Variants in BACH1 observed in about 807,000 individuals in gnomAD.
The protein encoded by BACH1 is BTB domain and CNC homolog 1, also known as transcription regulator protein BACH1.
BACH1 carries 35 observed loss-of-function variants against 52.9 expected under a neutral mutation model. The observed-to-expected ratio is 0.66, with a 90% CI of 0.51 to 0.88. BACH1 has a LOEUF of 0.88. Ranked by LOEUF, BACH1 falls within the 40% of genes least tolerant of loss-of-function variation. The probability of loss-of-function intolerance (pLI) is 0.00; values close to 1 mark genes in which losing one functional copy is unlikely to be tolerated. For synonymous variants in BACH1, 321 were observed against 319.6 expected (o/e 1.00, Z -0.05); for missense variants, 808 against 872.6 (o/e 0.93, Z 0.93).
In BACH1 at chr21:29,345,599, A is replaced by G. The variant is rs2089160916; in HGVS notation, c.*2766A>G. ...ATACAGTCTTGGTTCTCCATCTGTA[A>G]TTTTTTTTAACAGTTTGCTATAGCT... On this transcript the variant is annotated 3_prime_UTR_variant, in exon 5 of 5. Coordinates refer to ENST00000286800, the MANE Select transcript of BACH1 (RefSeq NM_001186.4). 6.6e-6 allele frequency: 1 copy of G among 152,400 alleles called. No individual in the cohort carries two copies. The highest frequency in any genetic ancestry group is 1.5e-5 in the Non-Finnish European group (1 of 67,976). 9.4% of individuals were successfully genotyped at this position (152,400 alleles called of 1,614,324 possible).
At chr21:29,361,382 CA>C (rs1310024683) in intron 2 of BACH1, 1 of 152,008 alleles carries the variant, frequency 6.6e-6, no homozygotes, top group Non-Finnish European at 1.5e-5. Flanking sequence ...GCAAATCAAT[CA>C]ATACTTACAA....
intron 4 of BACH1, among the ~76,000 whole-genome samples, chr21:29,330,490 A>G (rs1405935355): frequency 6.6e-6 from 1 of 152,034 alleles, no homozygotes; most frequent in African/African-American, 2.4e-5. Flanking sequence ...CTTATTTTCT[A>G]TTCCAGCATC....
intron 4 of BACH1, among the ~76,000 whole-genome samples, chr21:29,338,983 GA>G: frequency 6.6e-6 from 1 of 152,178 alleles, no homozygotes; most frequent in Non-Finnish European, 1.5e-5. Context: ...TCTTAGTTCA[GA>G]GAGGTTGTCA....
rs558659128 is a variant in BACH1 at position 29,303,842 on chromosome 21, A to G, written c.-61+4889A>G. 5.9e-5 allele frequency among the ~76,000 whole-genome samples: 9 copies of G among 152,338 alleles called. 1 individual carries two copies. Among genetic ancestry groups the G allele is most frequent in the African/African-American group, 2.2e-4 (9 of 41,566 alleles). On this transcript the variant is annotated intron_variant, in intron 1 of 4. Coordinates refer to ENST00000286800, the MANE Select transcript of BACH1 (RefSeq NM_001186.4). ...AATATTCAAATATTCATAGGATAAT[A>G]AAAAACTGCCCTGAAGCAAACGTGA...
downstream of BACH1, among the ~76,000 whole-genome samples, chr21:29,351,111 A>G (rs13048601): frequency 1.3e-5 from 2 of 152,324 alleles, no homozygotes; most frequent in East Asian, 3.9e-4. Flanking sequence ...TTTAAAACAG[A>G]CACCATTTTC....
chr21:29,360,051 AC>A (rs1185858314), intron 2 of BACH1, among the ~76,000 whole-genome samples: 1 of 152,174 alleles, frequency 6.6e-6, no homozygotes, highest in Non-Finnish European at 1.5e-5. Flanking sequence ...AAAGAATGAA[AC>A]CTTTTGTCCC....
chr21:29,325,208 C>T (rs908990185), intron 2 of BACH1, among the ~76,000 whole-genome samples: 4 of 151,694 alleles, frequency 2.6e-5, no homozygotes, highest in East Asian at 1.9e-4. Flanking sequence ...CCAGCCTGGG[C>T]GACAGAGCGA....
At position 29,343,799 on chromosome 21, in the gene BACH1, A is replaced by G. The variant is rs2089141433; in HGVS notation, c.*966A>G. On this transcript the variant is annotated 3_prime_UTR_variant, in exon 5 of 5. Coordinates refer to ENST00000286800, the MANE Select transcript of BACH1 (RefSeq NM_001186.4). Reference sequence around the variant, plus strand: ...GTTGCTTACTTTTTACCAGGAGTGCAGTTCATTTTTTTCACCCTGTTTTTG... The same window carrying G: ...GTTGCTTACTTTTTACCAGGAGTGCGGTTCATTTTTTTCACCCTGTTTTTG... 1 of 152,220 alleles carries G rather than the reference A, an allele frequency of 6.6e-6. No individual in the cohort carries two copies. Among genetic ancestry groups the G allele is most frequent in the Non-Finnish European group, 1.5e-5 (1 of 68,026 alleles). 9.4% of individuals were successfully genotyped at this position (152,220 alleles called of 1,614,324 possible). A position where few individuals can be genotyped will look rare whatever the true frequency, so the allele number is the denominator to read the frequency against.
At chr21:29,325,086 C>G (rs549035174) in intron 2 of BACH1, among the ~76,000 whole-genome samples, 1 of 152,194 alleles carries the variant, frequency 6.6e-6, no homozygotes, top group East Asian at 1.9e-4. Context: ...AAAAATTAGC[C>G]GGGCATGGTG....
rs540004227 is a variant in BACH1, at chr21:29,321,615, A to G, written c.234+101A>G. The G allele has an allele frequency of 6.6e-5, 65 of 987,166 alleles. No individual in the cohort carries two copies. In the Middle Eastern group the frequency reaches 1.0e-3, roughly 16 times the overall value. 61.2% of individuals were successfully genotyped at this position (987,166 alleles called of 1,614,324 possible). A position where few individuals can be genotyped will look rare whatever the true frequency, so the allele number is the denominator to read the frequency against. On this transcript the variant is annotated intron_variant, in intron 2 of 4. Coordinates refer to ENST00000286800, the MANE Select transcript of BACH1 (RefSeq NM_001186.4). Reference sequence around the variant, plus strand: ...AGCACAGTCTCCTTGTCAGGTGGCTATGGAGCATTTCCCAGGTTCTGTGCA... The same window carrying G: ...AGCACAGTCTCCTTGTCAGGTGGCTGTGGAGCATTTCCCAGGTTCTGTGCA...
chr21:29,307,922 G>T (rs1344089151), intron 1 of BACH1, among the ~76,000 whole-genome samples: 1 of 152,172 alleles, frequency 6.6e-6, no homozygotes, highest in Non-Finnish European at 1.5e-5. Context: ...TTGCTCAATG[G>T]TTGTTTCTTT....
rs12626747 is a variant in BACH1, at chr21:29,334,049, C to T, written c.1776+4356C>T. Reference sequence around the variant, plus strand: ...TTGCTTTTATTACAAGAACTGAATGCGCATAATGCATAAGCCAGTAACATG... The same window carrying T: ...TTGCTTTTATTACAAGAACTGAATGTGCATAATGCATAAGCCAGTAACATG... On this transcript the variant is annotated intron_variant, in intron 4 of 4. Transcript: ENST00000286800. Among the ~76,000 whole-genome samples the T allele has an allele frequency of 3.3e-3, 499 of 151,982 alleles. 2 individuals carry two copies. The East Asian group carries it at 0.05, about 15-fold the overall frequency.
At position 29,329,545 on chromosome 21, in the gene BACH1, C is replaced by G. The variant is rs766873491; in HGVS notation, c.1628C>G (p.Ser543Cys). 1.9e-6 allele frequency: 3 copies of G among 1,602,294 alleles called. No individual in the cohort carries two copies. The South Asian group carries it at 3.4e-5, about 18-fold the overall frequency. ...IISLSRNDFQ[S>C]LLKMHKLTPE... ...TCACTGTCTCGAAATGATTTTCAGT[C>G]CTTGTTGAAAATGCACAAGCTTACT... Residue 543 changes from serine to cysteine, a missense_variant, in exon 4 of 5, where the codon TCC becomes TGC. Transcript: ENST00000286800.
At chr21:29,299,315 C>T (rs1044092653) in intron 1 of BACH1, 1 of 151,906 alleles carries the variant, frequency 6.6e-6, no homozygotes, top group Non-Finnish European at 1.5e-5. Context: ...CAGCCCGGCC[C>T]CTCGCCCGCG....
At chr21:29,329,800 T>A in intron 4 of BACH1, 107 bp downstream of exon 4, 2 of 788,160 alleles carry the variant, frequency 2.5e-6, no homozygotes, top group Non-Finnish European at 3.7e-6. Context: ...ATTACTTATT[T>A]TAATATGTAT....
chr21:29,331,477 C>A (rs925888936), intron 4 of BACH1, among the ~76,000 whole-genome samples: 1 of 152,160 alleles, frequency 6.6e-6, no homozygotes, highest in African/African-American at 2.4e-5. Context: ...TAGAACTACT[C>A]TATTTCTTGG....
intron 2 of BACH1, among the ~76,000 whole-genome samples, chr21:29,324,951 G>A (rs2088892806): frequency 2.0e-5 from 3 of 152,206 alleles, no homozygotes; most frequent in South Asian, 4.1e-4. Flanking sequence ...GATCACAGCC[G>A]GGCGCGGTGG....
At chr21:29,334,093 A>AT (rs955306030) in intron 4 of BACH1, among the ~76,000 whole-genome samples, 7 of 149,240 alleles carry the variant, frequency 4.7e-5, no homozygotes, top group South Asian at 2.1e-4. Flanking sequence ...TTTTTTTGTT[A>AT]TTTTTTTTAT....
chr21:29,308,922 GC>G (rs1389133094), intron 1 of BACH1, among the ~76,000 whole-genome samples: 1 of 152,122 alleles, frequency 6.6e-6, no homozygotes, highest in African/African-American at 2.4e-5. Flanking sequence ...TTTCAGTGAT[GC>G]ATGAGATTGG....
Sources: allele counts gnomAD v4.1 joint callset (sites outside exome capture counted in the v4.1 genomes callset), GRCh38; gene constraint gnomAD v4.1.1; transcripts MANE v1.5; gene names NCBI Gene and HGNC (gene_info 2026-07-23, HGNC 2026-07-21).